The following ZHX2 variants were observed in gnomAD, a reference collection of about 807,000 sequenced individuals.
ZHX2 encodes zinc fingers and homeoboxes 2.
Under a neutral mutation model 21.9 loss-of-function variants are expected in ZHX2, and 6 were observed. The ratio of observed to expected loss-of-function variants is 0.27; its 90% CI spans 0.15 to 0.54. ZHX2 has a LOEUF of 0.54. ZHX2 is among the 20% of genes least tolerant of loss of function. The probability of loss-of-function intolerance (pLI) is 0.95; values close to 1 mark genes in which losing one functional copy is unlikely to be tolerated. For missense variants in ZHX2, 908 were observed against 1,090.7 expected (o/e 0.83, Z 2.36); for synonymous variants, 434 against 437.1 (o/e 0.99, Z 0.09).
At position 122,951,691 on chromosome 8, in the gene ZHX2, A is replaced by G; in HGVS notation, c.181A>G (p.Ile61Val). 6.8e-6 allele frequency: 11 copies of G among 1,614,134 alleles called. No homozygotes were observed. Among genetic ancestry groups the G allele is most frequent in the Non-Finnish European group, 9.3e-6 (11 of 1,180,024 alleles). ...AAACTCTTCCAAAGAAAACGAAGTGATAGAGGTGAAATCTATGGGGGAAAG... is the reference window on the plus strand; with the variant it reads ...AAACTCTTCCAAAGAAAACGAAGTGGTAGAGGTGAAATCTATGGGGGAAAG... ...LENSSKENEV[I>V]EVKSMGESQS... The change falls in exon 3 of 4, where the codon ATA becomes GTA. Residue 61 changes from isoleucine (I) to valine (V), a missense_variant. Physicochemically the swap from Ile to Val is conservative, Grantham distance 29. Transcript: ENST00000314393.
At chr8:122,926,488 G>A (rs1820856691) in intron 2 of ZHX2, among the ~76,000 whole-genome samples, 2 of 152,218 alleles carry the variant, frequency 1.3e-5, no homozygotes, top group South Asian at 4.1e-4. Context: ...TGTCAAGCCA[G>A]CCGCTTCAGG....
intron 1 of ZHX2, among the ~76,000 whole-genome samples, chr8:122,800,240 A>C (rs983749193): frequency 3.3e-5 from 5 of 152,174 alleles, no homozygotes; most frequent in African/African-American, 9.7e-5. Context: ...CCTGCAGTTC[A>C]GATGGTCTTG....
rs1277221195 is a variant in ZHX2 at position 122,798,398 on chromosome 8, G to A, written c.-283+16452G>A. Among the ~76,000 whole-genome samples, 3 of 152,126 alleles carry A rather than the reference G, an allele frequency of 2.0e-5. No homozygotes were observed. In the East Asian group the frequency reaches 5.8e-4, roughly 29 times the overall value. ...CTGATTTTTAAAAATATCATTTAAA[G>A]GTAGCTGCAGAATGTTGATCTCACA... On this transcript the variant is annotated intron_variant, in intron 1 of 3. Transcript: ENST00000314393.
rs956385363 is a variant in ZHX2, at chr8:122,832,106, C to T, written c.-282-31371C>T. Among the ~76,000 whole-genome samples the T allele has an allele frequency of 6.6e-5, 10 of 152,304 alleles. 1 individual carries two copies. Among genetic ancestry groups the T allele is most frequent in the African/African-American group, 2.4e-4 (10 of 41,578 alleles). Reference sequence around the variant, plus strand: ...ATAAGGAAGGTTTGAACAGTGTTTACACAGAAATGTGTAGGGTCTTGGGCA... The same window carrying T: ...ATAAGGAAGGTTTGAACAGTGTTTATACAGAAATGTGTAGGGTCTTGGGCA... On this transcript the variant is annotated intron_variant, in intron 1 of 3. Coordinates refer to ENST00000314393, the MANE Select transcript of ZHX2 (RefSeq NM_014943.5).
chr8:122,885,632 C>A (rs1819821728), intron 2 of ZHX2, among the ~76,000 whole-genome samples: 1 of 152,046 alleles, frequency 6.6e-6, no homozygotes. Flanking sequence ...CTAGAGACAT[C>A]TTTTTTTGTC....
intron 3 of ZHX2, among the ~76,000 whole-genome samples, chr8:122,959,784 G>A (rs997167893): frequency 3.3e-5 from 5 of 152,162 alleles, no homozygotes; most frequent in Admixed American, 1.3e-4. Flanking sequence ...GGGACTGCCC[G>A]TTAGTCTGAC....
intron 1 of ZHX2, chr8:122,810,538 A>T (rs980890563): frequency 1.3e-5 from 2 of 152,260 alleles, no homozygotes; most frequent in Admixed American, 6.5e-5. Context: ...CCACATGAGC[A>T]GGAAACGCGG....
chr8:122,908,562 A>C (rs1280860473), intron 2 of ZHX2, among the ~76,000 whole-genome samples: 1 of 152,116 alleles, frequency 6.6e-6, no homozygotes, highest in Non-Finnish European at 1.5e-5. Flanking sequence ...CAAGTTGCTT[A>C]ACCTCATCCG....
At chr8:122,971,528 G>A (rs949457421) in intron 3 of ZHX2, among the ~76,000 whole-genome samples, 2 of 144,680 alleles carry the variant, frequency 1.4e-5, no homozygotes, top group East Asian at 2.0e-4. Flanking sequence ...TTAACATCCA[G>A]ATGTTAGGCA....
At chr8:122,825,258 C>T (rs1319347204) in intron 1 of ZHX2, among the ~76,000 whole-genome samples, 3 of 152,148 alleles carry the variant, frequency 2.0e-5, no homozygotes, top group African/African-American at 7.2e-5. Context: ...CCCTGATGAC[C>T]CCCACACCTT....
intron 2 of ZHX2, among the ~76,000 whole-genome samples, chr8:122,941,197 G>GAT (rs1241129336): frequency 3.3e-5 from 5 of 152,092 alleles, no homozygotes; most frequent in Admixed American, 3.3e-4. Context: ...AGTGAGCTAT[G>GAT]ATCATGCCAC....
chr8:122,808,989 G>C (rs1261716215), intron 1 of ZHX2: 1 of 152,212 alleles, frequency 6.6e-6, no homozygotes, highest in Non-Finnish European at 1.5e-5. Context: ...GAAGCTGGAA[G>C]GGATTGGTCT....
At chr8:122,916,812 G>A (rs1820615058) in intron 2 of ZHX2, among the ~76,000 whole-genome samples, 1 of 151,886 alleles carries the variant, frequency 6.6e-6, no homozygotes, top group Admixed American at 6.6e-5. Flanking sequence ...ATCCCTTCCA[G>A]ATCTGTCTCC....
Position 122,828,781 on chromosome 8 carries a change from T to G in ZHX2, c.-282-34696T>G, listed in dbSNP as rs1586591725. Among the ~76,000 whole-genome samples, 1 of 152,200 alleles carries G rather than the reference T, an allele frequency of 6.6e-6. No individual in the cohort carries two copies. The highest frequency in any genetic ancestry group is 1.9e-4 in the East Asian group (1 of 5,186). On this transcript the variant is annotated intron_variant, in intron 1 of 3. Coordinates refer to ENST00000314393, the MANE Select transcript of ZHX2 (RefSeq NM_014943.5). This position sits in a 1 kb window ranked among gnomAD's most constrained non-coding sequence, Gnocchi z 5.2. ...GGTTCTTGGAAGGCTCATTCTAGGT[T>G]GTTCTCATTGGGAATATAAATGAAG...
chr8:122,941,016 G>T (rs563934527), intron 2 of ZHX2, among the ~76,000 whole-genome samples: 1 of 150,444 alleles, frequency 6.6e-6, no homozygotes, highest in Non-Finnish European at 1.5e-5. Context: ...GATCACTTGA[G>T]CTCAGGAGTT....
intron 3 of ZHX2, among the ~76,000 whole-genome samples, chr8:122,967,229 A>G (rs1813605450): frequency 6.6e-6 from 1 of 152,142 alleles, no homozygotes. Context: ...ACCTTGTTTT[A>G]TCATATTACC....
At chr8:122,901,855 A>G (rs1046263604) in intron 2 of ZHX2, among the ~76,000 whole-genome samples, 31 of 152,108 alleles carry the variant, frequency 2.0e-4, no homozygotes, top group African/African-American at 6.0e-4. Context: ...TGTAAGGGGG[A>G]AAAAAAATCA....
chr8:122,874,502 T>C (rs1819518521), intron 2 of ZHX2, among the ~76,000 whole-genome samples: 1 of 151,292 alleles, frequency 6.6e-6, no homozygotes, highest in South Asian at 2.1e-4. Context: ...CCCAGCTAAT[T>C]TTGTATTTTT....
At chr8:122,824,640 C>T (rs987835760) in intron 1 of ZHX2, among the ~76,000 whole-genome samples, 2 of 152,166 alleles carry the variant, frequency 1.3e-5, no homozygotes, top group African/African-American at 4.8e-5. Flanking sequence ...ATCACTGGTA[C>T]CAATATAGGG....
Sources: allele counts gnomAD v4.1 joint callset (sites outside exome capture counted in the v4.1 genomes callset), GRCh38; gene constraint gnomAD v4.1.1; non-coding constraint Gnocchi (gnomAD v3.1); transcripts MANE v1.5; gene names NCBI Gene and HGNC (gene_info 2026-07-23, HGNC 2026-07-21).